The following ATP10A variants were observed in gnomAD, a reference collection of about 807,000 sequenced individuals.
The protein encoded by ATP10A is phospholipid-transporting ATPase VA.
A neutral mutation model predicts 147.8 loss-of-function variants in ATP10A; 111 were observed. That is an observed-to-expected ratio of 0.75 (90% CI 0.64 to 0.88). ATP10A has a LOEUF of 0.88. Among genes scored for constraint, ATP10A ranks in the 40% least tolerant of loss-of-function variants. The pLI is 0.00. For synonymous variants in ATP10A, 875 were observed against 841.6 expected (o/e 1.04, Z -0.69); for missense variants, 1,927 against 1,959.0 (o/e 0.98, Z 0.31).
At chr15:25,726,214 G>A (rs1902537552) in intron 4 of ATP10A, 132 bp from the exon 5 acceptor site, 2 of 980,590 alleles carry the variant, frequency 2.0e-6, no homozygotes, top group Non-Finnish European at 2.9e-6. Flanking sequence ...AAAAAAGCAG[G>A]GTTTAAAATT....
intron 10 of ATP10A, among the ~76,000 whole-genome samples, chr15:25,712,228 C>T (rs2140384634): frequency 6.6e-6 from 1 of 152,316 alleles, no homozygotes; most frequent in Middle Eastern, 3.4e-3. Flanking sequence ...GAAATAATGG[C>T]TGATGGTATT....
intron 1 of ATP10A, among the ~76,000 whole-genome samples, chr15:25,861,435 T>C (rs893037903): frequency 1.3e-5 from 2 of 152,160 alleles, no homozygotes; most frequent in Non-Finnish European, 2.9e-5. Flanking sequence ...TTACTCTGTT[T>C]ACAAAAATAT....
chr15:25,742,655 T>A (rs1277196620), intron 2 of ATP10A, among the ~76,000 whole-genome samples: 2 of 152,210 alleles, frequency 1.3e-5, no homozygotes, highest in Non-Finnish European at 2.9e-5. Flanking sequence ...TTCAGTGGGC[T>A]GTGGCTGTCA....
intron 1 of ATP10A, among the ~76,000 whole-genome samples, chr15:25,832,446 G>C (rs1444896441): frequency 2.0e-5 from 3 of 152,180 alleles, no homozygotes; most frequent in African/African-American, 7.2e-5. Flanking sequence ...TCATCACAAA[G>C]ATCTGTCATG....
intron 1 of ATP10A, among the ~76,000 whole-genome samples, chr15:25,793,846 A>G (rs557782025): frequency 4.1e-4 from 62 of 152,184 alleles, no homozygotes; most frequent in African/African-American, 1.4e-3. Context: ...AGGCCCCCAG[A>G]CCTCTGCAAG....
chr15:25,770,421 GGGCTGACTCCCT>G (rs1889277073), intron 2 of ATP10A, among the ~76,000 whole-genome samples: 1 of 152,158 alleles, frequency 6.6e-6, no homozygotes, highest in Non-Finnish European at 1.5e-5. Context: ...GCAGGCCAAG[GGGCTGACTCCCT>G]CTGAGTCTCA....
intron 2 of ATP10A, among the ~76,000 whole-genome samples, chr15:25,774,253 T>C (rs772050021): frequency 1.7e-4 from 26 of 152,196 alleles, no homozygotes; most frequent in Non-Finnish European, 3.8e-4. Flanking sequence ...GCCAAATTAT[T>C]ATCAACTTCA....
In ATP10A at chr15:25,722,867, C is replaced by A. The variant is rs145199889; in HGVS notation, c.1111-958G>T. Among the ~76,000 whole-genome samples, 45 of 152,316 alleles carry A rather than the reference C, an allele frequency of 3.0e-4. No homozygotes were observed. The East Asian group carries it at 8.3e-3, about 28-fold the overall frequency. On this transcript the variant is annotated intron_variant, in intron 6 of 20. Coordinates refer to ENST00000555815, the MANE Select transcript of ATP10A (RefSeq NM_024490.4). ...GGGACCCTCCCCACTCTTTCACAGA[C>A]CTTTCTGGGCATAGATAGCCAGGCA...
At chr15:25,694,103 C>T (rs1051563943) in intron 14 of ATP10A, among the ~76,000 whole-genome samples, 1 of 152,200 alleles carries the variant, frequency 6.6e-6, no homozygotes. Context: ...GCCCCTGAAC[C>T]TGTGCTAGAG....
chr15:25,857,461 T>A (rs989399057), intron 1 of ATP10A, among the ~76,000 whole-genome samples: 2 of 152,134 alleles, frequency 1.3e-5, no homozygotes, highest in Non-Finnish European at 2.9e-5. Context: ...AATAATAATT[T>A]TTTTTAGGTA....
chr15:25,805,617 G>C (rs533604772), intron 1 of ATP10A, among the ~76,000 whole-genome samples: 1 of 152,214 alleles, frequency 6.6e-6, no homozygotes, highest in East Asian at 1.9e-4. Context: ...GCACTTCCTG[G>C]GCCCTCAGAT....
chr15:25,814,325 C>T (rs2140826651), intron 1 of ATP10A, among the ~76,000 whole-genome samples: 1 of 152,326 alleles, frequency 6.6e-6, no homozygotes, highest in South Asian at 2.1e-4. Flanking sequence ...AAGACTTGCT[C>T]AGACTTAAAC....
intron 1 of ATP10A, among the ~76,000 whole-genome samples, chr15:25,814,749 C>A (rs887843873): frequency 1.3e-5 from 2 of 152,122 alleles, no homozygotes; most frequent in Non-Finnish European, 2.9e-5. Flanking sequence ...GCCCTTGGAA[C>A]CGTTCTGTCT....
intron 1 of ATP10A, among the ~76,000 whole-genome samples, chr15:25,783,734 G>A (rs965832427): frequency 7.2e-5 from 11 of 152,380 alleles, no homozygotes; most frequent in African/African-American, 2.6e-4. Context: ...TTTGGGGACT[G>A]TGGAGTCAAG....
intron 2 of ATP10A, among the ~76,000 whole-genome samples, chr15:25,754,483 G>A (rs1037102674): frequency 6.6e-6 from 1 of 152,154 alleles, no homozygotes; most frequent in African/African-American, 2.4e-5. Context: ...CTGCAGGAGG[G>A]CGTGAACTCC....
chr15:25,707,989 G>C lies in ATP10A; in HGVS notation c.2562C>G (p.Asn854Lys), dbSNP rs1457077996. Residue 854 changes from asparagine (N) to lysine (K), a missense_variant, in exon 12 of 21, where the codon AAC (asparagine) becomes AAG (lysine). Transcript: ENST00000555815. ...LFQSAIRLET[N>K]LHLLGATGIE... The stretch of plus-strand genomic sequence containing the variant: ...CAAGTTAATTACCTAACAAGTGCAG[G>C]TTGGTCTCCAGGCGAATGGCAGACT... 1 of 1,614,046 alleles carries C rather than the reference G, an allele frequency of 6.2e-7. No homozygotes were observed. The highest frequency in any genetic ancestry group is 8.5e-7 in the Non-Finnish European group (1 of 1,180,046).
chr15:25,859,667 T>A (rs558961387), intron 1 of ATP10A, among the ~76,000 whole-genome samples: 1 of 151,250 alleles, frequency 6.6e-6, no homozygotes, highest in Admixed American at 6.6e-5. Flanking sequence ...TAGGAGAAAA[T>A]GGGTTCAGAA....
At chr15:25,789,574 G>A (rs1456033426) in intron 1 of ATP10A, among the ~76,000 whole-genome samples, 1 of 150,904 alleles carries the variant, frequency 6.6e-6, no homozygotes, top group Non-Finnish European at 1.5e-5. Context: ...AAGTGTGTGT[G>A]TGTGTGTGTG....
At chr15:25,767,060 G>C (rs959241088) in intron 2 of ATP10A, among the ~76,000 whole-genome samples, 1 of 152,186 alleles carries the variant, frequency 6.6e-6, no homozygotes, top group East Asian at 1.9e-4. Context: ...GCACATTACA[G>C]TCAGATGTGT....
Sources: allele counts gnomAD v4.1 joint callset (sites outside exome capture counted in the v4.1 genomes callset), GRCh38; gene constraint gnomAD v4.1.1; transcripts MANE v1.5; gene names NCBI Gene and HGNC (gene_info 2026-07-23, HGNC 2026-07-21).